The following TRMT2A variants were observed in gnomAD, a reference collection of about 807,000 sequenced individuals.
TRMT2A encodes tRNA methyltransferase 2A, also known as tRNA (uracil-5-)-methyltransferase homolog A.
Under a neutral mutation model 59.3 loss-of-function variants are expected in TRMT2A, and 60 were observed. The ratio of observed to expected loss-of-function variants is 1.01; its 90% confidence interval spans 0.82 to 1.26. The LOEUF (loss-of-function observed/expected upper bound fraction) is 1.26, where lower values mean the gene tolerates loss of function less well. Among genes scored for constraint, TRMT2A ranks in the 50% most tolerant of loss-of-function variants. The pLI, the probability that TRMT2A is intolerant of heterozygous loss-of-function variation, is 0.00. For missense variants in TRMT2A, 863 were observed against 845.2 expected, an observed-to-expected ratio of 1.02 and a Z score of -0.26; for synonymous variants, 403 against 353.7, an observed-to-expected ratio of 1.14 and a Z score of -1.56.
Position 20,112,500 on chromosome 22 carries a change from G to A in TRMT2A, c.*63C>T. On this transcript the variant is annotated 3_prime_UTR_variant, in exon 12 of 12. Transcript: ENST00000252136. ...CTGAATATCCTGGCCAGCAAGCCAT[G>A]CCTTCCCCGCCCCTGGGGCCCTGGG... is the stretch of plus-strand genomic sequence containing the variant. The A allele has an allele frequency of 6.5e-7, 1 of 1,549,306 alleles. No individual in the cohort carries two copies. Among genetic ancestry groups the A allele is most frequent in the Non-Finnish European group, 8.7e-7 (1 of 1,145,764 alleles).
In TRMT2A at chr22:20,114,606, T is replaced by G; in HGVS notation, c.1201A>C (p.Thr401Pro). 1 of 1,613,682 alleles carries G rather than the reference T, an allele frequency of 6.2e-7. No homozygotes were observed. The highest frequency in any genetic ancestry group is 8.5e-7 in the Non-Finnish European group (1 of 1,179,990). The change falls in exon 7 of 12, where the codon ACC (threonine) becomes CCC (proline). Residue 401 changes from threonine (T) to proline (P), a missense_variant. Thr to Pro is a conservative substitution (Grantham distance 38). Transcript: ENST00000252136. ...RCIHEDLLGL[T>P]FRISPHAFFQ... Reference sequence around the variant, plus strand: ...AAGGCGTGTGGAGAGATCCGGAAGGTCAGCCCTAGCAGGTCCTCGTGGATG... The same window carrying G: ...AAGGCGTGTGGAGAGATCCGGAAGGGCAGCCCTAGCAGGTCCTCGTGGATG...
Position 20,114,062 on chromosome 22 carries a change from G to T in TRMT2A, c.1234-254C>A, listed in dbSNP as rs149949948. ...CCCCACTTGGTTGAGGGCTCATGAG[G>T]CCCCGCAGGCCAATAGGCTGTACCT... On this transcript the variant is annotated intron_variant, in intron 7 of 11. Coordinates refer to ENST00000252136, the MANE Select transcript of TRMT2A (RefSeq NM_022727.6). Among the ~76,000 whole-genome samples, 186 of 152,300 alleles carry T rather than the reference G, an allele frequency of 1.2e-3. 2 individuals are homozygous for T. In the East Asian group the frequency reaches 0.033, roughly 27 times the overall value.
Position 20,117,215 on chromosome 22 carries a change from G to T in TRMT2A, c.-309C>A. ...TCCGCCAGCGCGTGCGGCGGAGGCCGAGCGTCTCTATGATCCTGGCTTCTG... is the reference window on the plus strand; with the variant it reads ...TCCGCCAGCGCGTGCGGCGGAGGCCTAGCGTCTCTATGATCCTGGCTTCTG... On this transcript the variant is annotated 5_prime_UTR_variant, in exon 1 of 12. Transcript: ENST00000252136. 3.7e-6 allele frequency: 2 copies of T among 545,374 alleles called. No individual in the cohort carries two copies. The highest frequency in any genetic ancestry group is 6.0e-6 in the Non-Finnish European group (2 of 332,414). The allele number at this position is 545,374 out of a possible 1,614,324, so 33.8% of individuals were successfully genotyped here. A position where few individuals can be genotyped will look rare whatever the true frequency, so the allele number is the denominator to read the frequency against.
chr22:20,113,772 T>G lies in TRMT2A; in HGVS notation c.1270A>C (p.Ile424Leu). The part of the protein sequence containing the change: ...TPAAEVLYTV[I>L]QDWAQLDAGS... ...GCATCCAATTGGGCCCAGTCCTGGATGACTGTGTAGAGCACCTCGGCTGCG... is the reference window on the plus strand; with the variant it reads ...GCATCCAATTGGGCCCAGTCCTGGAGGACTGTGTAGAGCACCTCGGCTGCG... Residue 424 changes from isoleucine to leucine, a missense_variant, in exon 8 of 12, where the codon ATC (isoleucine) becomes CTC (leucine). Coordinates refer to ENST00000252136, the MANE Select transcript of TRMT2A (RefSeq NM_022727.6). 1 of 1,608,810 alleles carries G rather than the reference T, an allele frequency of 6.2e-7. No homozygotes were observed. The highest frequency in any genetic ancestry group is 1.1e-5 in the South Asian group (1 of 90,676).
At position 20,116,345 on chromosome 22, in the gene TRMT2A, G is replaced by A. The variant is rs755476378; in HGVS notation, c.292C>T (p.Leu98=). Residue 98 remains leucine, a synonymous_variant, in exon 2 of 12, where the codon CTG becomes TTG. Transcript: ENST00000252136. ...DVRRFLGRFG[L]QPHKTKLFGQ... is the part of the protein sequence containing the mutation. ...AAGAGTTTGGTTTTGTGGGGCTGCA[G>A]ACCAAAGCGGCCCAGGAAGCGCCGG... The A allele has an allele frequency of 1.2e-6, 2 of 1,612,850 alleles. No homozygotes were observed. Among genetic ancestry groups the A allele is most frequent in the Non-Finnish European group, 1.7e-6 (2 of 1,180,014 alleles).
At chr22:20,113,955 A>C (rs1602511621) in intron 7 of TRMT2A, 147 bp from the exon 8 acceptor site, 1 of 1,164,508 alleles carries the variant, frequency 8.6e-7, no homozygotes, top group Non-Finnish European at 1.2e-6. Flanking sequence ...CCCTGACCCC[A>C]CCTTGGACCA....
At chr22:20,115,145 T>G in intron 4 of TRMT2A, 66 bp from the exon 5 acceptor site, 1 of 1,561,664 alleles carries the variant, frequency 6.4e-7, no homozygotes, top group Non-Finnish European at 8.7e-7. Context: ...CTCTCTCCTC[T>G]GGCCACACCT....
At chr22:20,113,384 G>C in intron 9 of TRMT2A, 48 bp downstream of exon 9, 1 of 1,575,734 alleles carries the variant, frequency 6.3e-7, no homozygotes, top group African/African-American at 1.3e-5. Context: ...TGCAGCAGGG[G>C]TGGCGGCTGC....
In TRMT2A at chr22:20,112,657, G is replaced by A. The variant is rs2049878458; in HGVS notation, c.1784C>T (p.Thr595Ile). 1.2e-6 allele frequency: 2 copies of A among 1,614,110 alleles called. No individual in the cohort carries two copies. Among genetic ancestry groups the A allele is most frequent in the Non-Finnish European group, 1.7e-6 (2 of 1,180,028 alleles). ...LFERVEHPNGTGVLGPHSPPA... is the reference protein window; with the variant it reads ...LFERVEHPNGIGVLGPHSPPA... ...AGGGCTGTGGGGCCCCAAGACCCCTGTGCCATTGGGGTGCTCCACCCTCTC... is the reference window on the plus strand; with the variant it reads ...AGGGCTGTGGGGCCCCAAGACCCCTATGCCATTGGGGTGCTCCACCCTCTC... Residue 595 changes from threonine to isoleucine, a missense_variant, in exon 12 of 12, where the codon ACA (threonine) becomes ATA (isoleucine). Coordinates refer to ENST00000252136, the MANE Select transcript of TRMT2A (RefSeq NM_022727.6).
Position 20,112,404 on chromosome 22 carries a change from GGGCCCCT to G in TRMT2A, c.*152_*158del. The G allele has an allele frequency of 1.0e-6, 1 of 978,992 alleles. No individual in the cohort carries two copies. The allele number at this position is 978,992 out of a possible 1,614,324, so 60.6% of individuals were successfully genotyped here. A position where few individuals can be genotyped will look rare whatever the true frequency, so the allele number is the denominator to read the frequency against. The stretch of plus-strand genomic sequence containing the variant: ...AGGAACCCACCTGTCTTCCTGGTCA[GGGCCCCT>G]GGCCCCTAGCAGCAGGCCAATCCTG... On this transcript the variant is annotated 3_prime_UTR_variant, in exon 12 of 12. Transcript: ENST00000252136.
rs1455161661 is a variant in TRMT2A at position 20,116,485 on chromosome 22, G to A, written c.152C>T (p.Thr51Ile). Residue 51 changes from threonine (T) to isoleucine (I), a missense_variant, in exon 2 of 12, where the codon ACA becomes ATA. Coordinates refer to ENST00000252136, the MANE Select transcript of TRMT2A (RefSeq NM_022727.6). ...GAGCCCGGGCTGAGGCCCCGGCCCT[G>A]TAGCCGCCCCAGCGCCCTCTTTCTC... is the stretch of plus-strand genomic sequence containing the variant. ...EVEKEGAGAA[T>I]GPGPQPGLYS... is the part of the protein sequence containing the mutation. The A allele has an allele frequency of 6.2e-7, 1 of 1,612,840 alleles. No individual in the cohort carries two copies. Among genetic ancestry groups the A allele is most frequent in the Non-Finnish European group, 8.5e-7 (1 of 1,179,940 alleles).
At position 20,116,057 on chromosome 22, in the gene TRMT2A, C is replaced by T. The variant is rs200680599; in HGVS notation, c.580G>A (p.Val194Met). Residue 194 changes from valine to methionine, a missense_variant, in exon 2 of 12, where the codon GTG becomes ATG. Coordinates refer to ENST00000252136, the MANE Select transcript of TRMT2A (RefSeq NM_022727.6). ...LERKQLECEQVLQKLAKEIGS... is the reference protein window; with the variant it reads ...LERKQLECEQMLQKLAKEIGS... ...ACTCACTTGGCAAGTTTCTGCAGCA[C>T]CTGCTCGCACTCCAGCTGCTTCCGC... 20 of 1,564,090 alleles carry T rather than the reference C, an allele frequency of 1.3e-5. No individual in the cohort carries two copies. Among genetic ancestry groups the T allele is most frequent in the Non-Finnish European group, 1.7e-5 (19 of 1,151,112 alleles).
In TRMT2A at chr22:20,116,092, T is replaced by C. The variant is rs2050006841; in HGVS notation, c.545A>G (p.Glu182Gly). ...CTCCAGCTGCTTCCGCTCAAGCTGC[T>C]CAGCATAGGGCACTGTCCATAGAGG... The part of the protein sequence containing the change: ...VTPLWTVPYA[E>G]QLERKQLECE... The change falls in exon 2 of 12, where the codon GAG (glutamate) becomes GGG (glycine). Residue 182 changes from glutamate (E) to glycine (G), a missense_variant. Glu to Gly is a moderately conservative substitution (Grantham distance 98). Transcript: ENST00000252136. 6.3e-7 allele frequency: 1 copy of C among 1,593,672 alleles called. No individual in the cohort carries two copies. Among genetic ancestry groups the C allele is most frequent in the African/African-American group, 1.3e-5 (1 of 74,478 alleles).
At position 20,113,746 on chromosome 22, in the gene TRMT2A, C is replaced by G. The variant is rs533205964; in HGVS notation, c.1296G>C (p.Ala432=). The change falls in exon 8 of 12, where the codon GCG becomes GCC. Residue 432 remains alanine (A), a synonymous_variant. Coordinates refer to ENST00000252136, the MANE Select transcript of TRMT2A (RefSeq NM_022727.6). ...AGCACACGTCCAGCACCATGCTCCC[C>G]GCATCCAATTGGGCCCAGTCCTGGA... ...TVIQDWAQLD[A]GSMVLDVCCG... is the part of the protein sequence containing the mutation. 1 of 1,608,536 alleles carries G rather than the reference C, an allele frequency of 6.2e-7. No individual in the cohort carries two copies. Among genetic ancestry groups the G allele is most frequent in the African/African-American group, 1.3e-5 (1 of 74,840 alleles).
At position 20,117,091 on chromosome 22, in the gene TRMT2A, T is replaced by C. The variant is rs2050050654; in HGVS notation, c.-185A>G. The C allele has an allele frequency of 1.3e-6, 1 of 763,406 alleles. No homozygotes were observed. The highest frequency in any genetic ancestry group is 2.5e-5 in the Admixed American group (1 of 39,514). The allele number at this position is 763,406 out of a possible 1,614,324, so 47.3% of individuals were successfully genotyped here. A position where few individuals can be genotyped will look rare whatever the true frequency, so the allele number is the denominator to read the frequency against. The stretch of plus-strand genomic sequence containing the variant: ...GGCTTCGCCCCAGGCGGGGCGGGAC[T>C]CGAACCTGCGATGCTCAGGTCCGGG... On this transcript the variant is annotated 5_prime_UTR_variant, in exon 1 of 12. Coordinates refer to ENST00000252136, the MANE Select transcript of TRMT2A (RefSeq NM_022727.6).
Position 20,112,673 on chromosome 22 carries a change from C to T in TRMT2A, c.1768G>A (p.Glu590Lys). ...CEMLILFERV[E>K]HPNGTGVLGP... ...AAGACCCCTGTGCCATTGGGGTGCT[C>T]CACCCTCTCAAACAGGATGAGCATC... Residue 590 changes from glutamate (E) to lysine (K), a missense_variant, in exon 12 of 12, where the codon GAG becomes AAG. Physicochemically the swap from Glu to Lys is moderately conservative, Grantham distance 56 (BLOSUM62 1). Coordinates refer to ENST00000252136, the MANE Select transcript of TRMT2A (RefSeq NM_022727.6). 6.2e-7 allele frequency: 1 copy of T among 1,614,048 alleles called. No homozygotes were observed. The highest frequency in any genetic ancestry group is 8.5e-7 in the Non-Finnish European group (1 of 1,180,018).
At chr22:20,113,079 C>T (rs774226606) in intron 10 of TRMT2A, 39 bp downstream of exon 10, 3 of 1,610,194 alleles carry the variant, frequency 1.9e-6, no homozygotes, top group East Asian at 4.5e-5. Context: ...CCCATGTGTC[C>T]TCGTTCCCGT....
chr22:20,116,224 G>T lies in TRMT2A; in HGVS notation c.413C>A (p.Pro138Gln). 1 of 1,612,980 alleles carries T rather than the reference G, an allele frequency of 6.2e-7. No individual in the cohort carries two copies. Residue 138 changes from proline to glutamine, a missense_variant, in exon 2 of 12, where the codon CCA (proline) becomes CAA (glutamine). Pro to Gln is a moderately conservative substitution (Grantham distance 76, BLOSUM62 -1). Transcript: ENST00000252136. ...GGGCCGGGCCAGGCGCACACTGAGT[G>T]GGCGGCCTTTCCAGAGGGCACCATG... is the stretch of plus-strand genomic sequence containing the variant. ...VLHGALWKGRPLSVRLARPKA... is the reference protein window; with the variant it reads ...VLHGALWKGRQLSVRLARPKA...
rs1256963226 is a variant in TRMT2A at position 20,114,971 on chromosome 22, G to A, written c.999C>T (p.His333=). The A allele has an allele frequency of 6.3e-7, 1 of 1,591,590 alleles. No individual in the cohort carries two copies. Among genetic ancestry groups the A allele is most frequent in the Non-Finnish European group, 8.5e-7 (1 of 1,170,516 alleles). The change falls in exon 5 of 12, where the codon CAC becomes CAT. Residue 333 remains histidine (H), a synonymous_variant. Transcript: ENST00000252136. ...GCAGGGCCCCCGTTGAGACCTGGGG[G>A]TGGAAGTAGGCAATGGCCATGGCCT... ...RHQAMAIAYF[H]PQKLSPEELA...
Sources: gnomAD v4.1 joint callset for allele counts (sites outside exome capture counted in the v4.1 genomes callset) on GRCh38, gnomAD v4.1.1 for gene constraint, MANE v1.5 for transcripts, NCBI Gene and HGNC (gene_info 2026-07-23, HGNC 2026-07-21) for gene names.